FAM107B: variants seen among roughly 807,000 people sequenced by gnomAD.
FAM107B encodes family with sequence similarity 107 member B.
A neutral mutation model predicts 31.5 loss-of-function variants in FAM107B; 21 were observed. That is an observed-to-expected ratio of 0.67 (90% CI 0.47 to 0.96). FAM107B has a LOEUF of 0.96. FAM107B is among the 40% of genes least tolerant of loss of function. The pLI is 0.00. For missense variants in FAM107B, 452 were observed against 377.1 expected (o/e 1.20, Z -1.64); for synonymous variants, 157 against 141.5 (o/e 1.11, Z -0.78).
chr10:14,753,412 C>G lies in FAM107B; in HGVS notation c.411+20841G>C, dbSNP rs147484956. Among the ~76,000 whole-genome samples the G allele has an allele frequency of 2.3e-3, 349 of 151,596 alleles. 1 individual carries two copies. Among genetic ancestry groups the G allele is most frequent in the African/African-American group, 8.0e-3 (329 of 40,900 alleles). ...TGAAGATTAGATTAAAAACCAAGCT[C>G]TCCCTCTCTATCCCAACACCTTCAT... On this transcript the variant is annotated intron_variant, in intron 1 of 4. Transcript: ENST00000181796.
intron 2 of FAM107B, among the ~76,000 whole-genome samples, chr10:14,570,548 T>C (rs1245071507): frequency 5.9e-5 from 9 of 152,178 alleles, no homozygotes; most frequent in Admixed American, 5.9e-4. Context: ...ACGCCTATAA[T>C]CCCAGCACTT....
intron 1 of FAM107B, among the ~76,000 whole-genome samples, chr10:14,763,031 G>C (rs1211709053): frequency 6.6e-6 from 1 of 152,180 alleles, no homozygotes; most frequent in Admixed American, 6.5e-5. Flanking sequence ...GGGAGGCAGA[G>C]GGAGGTGGAT....
intron 2 of FAM107B, among the ~76,000 whole-genome samples, chr10:14,605,084 C>G (rs1041360298): frequency 2.0e-5 from 3 of 152,160 alleles, no homozygotes; most frequent in African/African-American, 4.8e-5. Flanking sequence ...AAAACGCAGA[C>G]AGAATCAGGG....
chr10:14,530,284 T>C, intron 3 of FAM107B, 48 bp downstream of exon 3: 1 of 1,534,602 alleles, frequency 6.5e-7, no homozygotes, highest in Non-Finnish European at 8.8e-7. Flanking sequence ...GATATCATGA[T>C]CTTAAAAGTC....
chr10:14,581,641 T>G (rs1851640130), intron 2 of FAM107B, among the ~76,000 whole-genome samples: 1 of 152,196 alleles, frequency 6.6e-6, no homozygotes, highest in African/African-American at 2.4e-5. Flanking sequence ...TGGCTCATAC[T>G]TGTACTCCCA....
intron 2 of FAM107B, among the ~76,000 whole-genome samples, chr10:14,658,763 C>G (rs1854141761): frequency 6.6e-6 from 1 of 152,220 alleles, no homozygotes; most frequent in African/African-American, 2.4e-5. Context: ...AATAAATATT[C>G]ACTGAGTGCC....
At chr10:14,713,349 A>T (rs1855705930) in intron 1 of FAM107B, among the ~76,000 whole-genome samples, 1 of 152,226 alleles carries the variant, frequency 6.6e-6, no homozygotes, top group Non-Finnish European at 1.5e-5. Context: ...CACCTCAGAC[A>T]CAAAGTTCCC....
chr10:14,675,758 C>A (rs763409328), intron 1 of FAM107B, among the ~76,000 whole-genome samples: 6 of 152,042 alleles, frequency 3.9e-5, no homozygotes, highest in Admixed American at 2.0e-4. Context: ...GGGTAGGATT[C>A]TGTTTCAAAG....
At chr10:14,698,875 A>C (rs1010307439) in intron 1 of FAM107B, among the ~76,000 whole-genome samples, 1 of 152,236 alleles carries the variant, frequency 6.6e-6, no homozygotes, top group Non-Finnish European at 1.5e-5. Context: ...GGCAAAACCC[A>C]CGATTACTTT....
intron 2 of FAM107B, among the ~76,000 whole-genome samples, chr10:14,659,801 T>A (rs1017076778): frequency 2.0e-5 from 3 of 152,220 alleles, no homozygotes; most frequent in Non-Finnish European, 4.4e-5. Flanking sequence ...GAACTCCAAG[T>A]GTCATGGACC....
chr10:14,762,325 T>C (rs1274563336), intron 1 of FAM107B, among the ~76,000 whole-genome samples: 1 of 152,190 alleles, frequency 6.6e-6, no homozygotes, highest in Non-Finnish European at 1.5e-5. Context: ...AGTTAGTCAC[T>C]GAAGGACCCT....
At chr10:14,629,435 T>TA (rs1422259743) in intron 2 of FAM107B, among the ~76,000 whole-genome samples, 311 of 10,954 alleles carry the variant, frequency 0.028, 15 homozygotes, top group African/African-American at 0.071. Context: ...ATAATATATA[T>TA]TATATATATA....
At chr10:14,709,509 A>T (rs751476479) in intron 1 of FAM107B, among the ~76,000 whole-genome samples, 1 of 152,206 alleles carries the variant, frequency 6.6e-6, no homozygotes, top group Non-Finnish European at 1.5e-5. Flanking sequence ...AGACTTATTC[A>T]CTATCACAAG....
chr10:14,654,787 A>C (rs535735001), intron 2 of FAM107B, among the ~76,000 whole-genome samples: 15 of 152,294 alleles, frequency 9.8e-5, no homozygotes, highest in African/African-American at 3.1e-4. Context: ...AGGTGAAAAA[A>C]TCCCGTTCCC....
chr10:14,732,117 T>C (rs1856187862), intron 1 of FAM107B, among the ~76,000 whole-genome samples: 1 of 152,180 alleles, frequency 6.6e-6, no homozygotes, highest in African/African-American at 2.4e-5. Flanking sequence ...GTTTCTATGG[T>C]GAAGTAGATA....
At chr10:14,683,677 C>T (rs1034529777) in intron 1 of FAM107B, among the ~76,000 whole-genome samples, 1 of 152,214 alleles carries the variant, frequency 6.6e-6, no homozygotes, top group Non-Finnish European at 1.5e-5. Context: ...GGTTACAGAT[C>T]ATGAGTGAGT....
intron 2 of FAM107B, chr10:14,604,316 T>C: frequency 3.1e-6 from 3 of 960,668 alleles, no homozygotes; most frequent in Non-Finnish European, 3.7e-6. Context: ...GCGGCCCGAC[T>C]GCTCGGCGGC....
intron 3 of FAM107B, among the ~76,000 whole-genome samples, chr10:14,523,079 G>A (rs1270959527): frequency 6.7e-6 from 1 of 148,986 alleles, no homozygotes; most frequent in Non-Finnish European, 1.5e-5. Context: ...TGAAATATTC[G>A]AGAGAAGTCA....
intron 2 of FAM107B, among the ~76,000 whole-genome samples, chr10:14,602,248 C>T (rs970420039): frequency 1.7e-4 from 26 of 152,204 alleles, no homozygotes; most frequent in African/African-American, 6.3e-4. Context: ...GGAACTGCAA[C>T]AAAAATGCAC....
Sources: allele counts gnomAD v4.1 joint callset (sites outside exome capture counted in the v4.1 genomes callset), GRCh38; gene constraint gnomAD v4.1.1; transcripts MANE v1.5; gene names NCBI Gene and HGNC (gene_info 2026-07-23, HGNC 2026-07-21).